The following PRKN variants were observed in gnomAD, a reference collection of about 807,000 sequenced individuals.
PRKN encodes E3 ubiquitin-protein ligase parkin.
A neutral mutation model predicts 59.5 loss-of-function variants in PRKN; 56 were observed. That is an observed-to-expected ratio of 0.94 (90% confidence interval 0.76 to 1.18). PRKN has a LOEUF of 1.18. PRKN is among the 50% of genes most tolerant of loss of function. The pLI, the probability that PRKN is intolerant of heterozygous loss-of-function variation, is 0.00. For synonymous variants in PRKN, 250 were observed against 222.1 expected, an observed-to-expected ratio of 1.13 and a Z score of -1.12; for missense variants, 657 against 596.4, an observed-to-expected ratio of 1.10 and a Z score of -1.06.
At chr6:161,406,360 C>A (rs1787277935) in intron 9 of PRKN, among the ~76,000 whole-genome samples, 1 of 152,030 alleles carries the variant, frequency 6.6e-6, no homozygotes, top group Non-Finnish European at 1.5e-5. Flanking sequence ...ACTATGGGCA[C>A]ATTTTAGCTA....
intron 1 of PRKN, among the ~76,000 whole-genome samples, chr6:162,620,555 GTT>G (rs1488562060): frequency 2.6e-5 from 4 of 152,190 alleles, no homozygotes; most frequent in Admixed American, 2.0e-4. Context: ...ATAAGAAAGA[GTT>G]TTGAAAGTTT....
intron 1 of PRKN, among the ~76,000 whole-genome samples, chr6:162,607,720 T>A (rs995853914): frequency 1.3e-5 from 2 of 152,144 alleles, no homozygotes; most frequent in Admixed American, 6.5e-5. Flanking sequence ...TGCCTTAGGA[T>A]GCAAGGAAGC....
chr6:161,419,925 A>C lies in PRKN; in HGVS notation c.1084-33048T>G, dbSNP rs1447966106. 6.6e-6 allele frequency among the ~76,000 whole-genome samples: 1 copy of C among 152,082 alleles called. No individual in the cohort carries two copies. Among genetic ancestry groups the C allele is most frequent in the African/African-American group, 2.4e-5 (1 of 41,416 alleles). On this transcript the variant is annotated intron_variant, in intron 9 of 11. Transcript: ENST00000366898. The surrounding 1 kb of genome is among the most constrained non-coding windows in gnomAD (Gnocchi z 4.1). ...GAAAGTTCCTAGCACTGCGCCTGGCACGTAAAAGGCACTTGTTTAAGAACT... is the reference window on the plus strand; with the variant it reads ...GAAAGTTCCTAGCACTGCGCCTGGCCCGTAAAAGGCACTTGTTTAAGAACT...
chr6:161,915,214 AG>A (rs1185228275), intron 6 of PRKN, among the ~76,000 whole-genome samples: 2 of 152,128 alleles, frequency 1.3e-5, no homozygotes, highest in African/African-American at 4.8e-5. Context: ...TGAACCCAGG[AG>A]GTGGAGGTTG....
intron 7 of PRKN, among the ~76,000 whole-genome samples, chr6:161,617,590 T>C (rs951222623): frequency 2.6e-5 from 4 of 152,248 alleles, no homozygotes; most frequent in African/African-American, 4.8e-5. Flanking sequence ...TTGCACACTG[T>C]GTGATTACCA....
intron 1 of PRKN, among the ~76,000 whole-genome samples, chr6:162,717,299 G>A (rs1285829192): frequency 6.6e-6 from 1 of 152,078 alleles, no homozygotes; most frequent in African/African-American, 2.4e-5. Context: ...CTTTGGGGCT[G>A]GGCACAGTGG....
At chr6:161,840,066 A>G (rs1792921379) in intron 6 of PRKN, among the ~76,000 whole-genome samples, 1 of 152,258 alleles carries the variant, frequency 6.6e-6, no homozygotes, top group African/African-American at 2.4e-5. Flanking sequence ...CATGGACAGC[A>G]TCTCTCTTCT....
chr6:162,257,128 T>A (rs752682323), intron 3 of PRKN, among the ~76,000 whole-genome samples: 4 of 152,136 alleles, frequency 2.6e-5, no homozygotes, highest in Non-Finnish European at 5.9e-5. Context: ...CTGACACTCC[T>A]TCCCGCTCTA....
intron 3 of PRKN, among the ~76,000 whole-genome samples, chr6:162,219,045 C>A (rs1157673155): frequency 6.6e-6 from 1 of 152,026 alleles, no homozygotes; most frequent in Non-Finnish European, 1.5e-5. Flanking sequence ...AATAAATTAG[C>A]TGGTCATGGT....
intron 1 of PRKN, among the ~76,000 whole-genome samples, chr6:162,709,810 GAA>G (rs1367974136): frequency 6.9e-6 from 1 of 144,022 alleles, no homozygotes; most frequent in East Asian, 2.1e-4. Flanking sequence ...GAGAAGGAAG[GAA>G]AAGTGTCCAG....
In PRKN at chr6:161,752,164, G is replaced by A. The variant is rs570040278; in HGVS notation, c.871+33608C>T. On this transcript the variant is annotated intron_variant, in intron 7 of 11. Transcript: ENST00000366898. ...AGGTGGGTGGATCACGAGGTCAAGA[G>A]ATCGAGACCATCCTGGCCAACGTGG... Among the ~76,000 whole-genome samples the A allele has an allele frequency of 2.6e-5, 4 of 151,780 alleles. No homozygotes were observed. The East Asian group carries it at 7.9e-4, about 30-fold the overall frequency.
chr6:162,392,713 T>C lies in PRKN; in HGVS notation c.171+50597A>G, dbSNP rs114137116. 6.6e-3 allele frequency among the ~76,000 whole-genome samples: 1,008 copies of C among 152,338 alleles called. 8 individuals are homozygous for C. The highest frequency in any genetic ancestry group is 0.014 in the Middle Eastern group (4 of 294). On this transcript the variant is annotated intron_variant, in intron 2 of 11. Coordinates refer to ENST00000366898, the MANE Select transcript of PRKN (RefSeq NM_004562.3). ...TTTAGTTTGGCCTAATACCTAATGT[T>C]ACATTGATGCCATACTGTAAGCTCC...
At position 162,727,736 on chromosome 6, in the gene PRKN, T is replaced by A. The variant is rs777729617; in HGVS notation, c.-68A>T. The A allele has an allele frequency of 6.6e-7, 1 of 1,507,392 alleles. No individual in the cohort carries two copies. Among genetic ancestry groups the A allele is most frequent in the Non-Finnish European group, 9.0e-7 (1 of 1,108,734 alleles). 93.4% of individuals were successfully genotyped at this position (1,507,392 alleles called of 1,614,324 possible). On this transcript the variant is annotated 5_prime_UTR_variant, in exon 1 of 12. Coordinates refer to ENST00000366898, the MANE Select transcript of PRKN (RefSeq NM_004562.3). ...TGCGCGCAGCGGCGCCAGCCGCGCC[T>A]CCCACCAGCGGCTCTCCTGGGTTAA...
intron 4 of PRKN, among the ~76,000 whole-genome samples, chr6:162,176,621 T>C (rs114505291): frequency 0.014 from 2,140 of 151,988 alleles, 51 homozygotes; most frequent in African/African-American, 0.049. Context: ...AAATAGCAGA[T>C]ACATCTGACA....
chr6:161,541,700 A>C (rs1779620996), intron 9 of PRKN, among the ~76,000 whole-genome samples: 1 of 152,136 alleles, frequency 6.6e-6, no homozygotes, highest in Non-Finnish European at 1.5e-5. Flanking sequence ...ACGTGCCTGT[A>C]ATCCCAGCTA....
At chr6:162,243,582 G>C (rs1211544560) in intron 3 of PRKN, among the ~76,000 whole-genome samples, 4 of 152,080 alleles carry the variant, frequency 2.6e-5, no homozygotes, top group Non-Finnish European at 5.9e-5. Context: ...CTAGTACATA[G>C]TACTCAGTTT....
intron 1 of PRKN, among the ~76,000 whole-genome samples, chr6:162,678,657 T>C (rs2803087): frequency 0.63 from 95,355 of 152,144 alleles, 30,641 homozygotes; most frequent in African/African-American, 0.75. Flanking sequence ...TTAGTATTTA[T>C]TGAGTTTTGA....
intron 6 of PRKN, among the ~76,000 whole-genome samples, chr6:161,812,349 A>G (rs1021701538): frequency 5.9e-5 from 9 of 152,182 alleles, no homozygotes; most frequent in Non-Finnish European, 1.2e-4. Context: ...AGATTACGGC[A>G]CTGTACTCCA....
intron 2 of PRKN, among the ~76,000 whole-genome samples, chr6:162,291,838 G>A (rs1781442635): frequency 1.3e-5 from 2 of 152,096 alleles, no homozygotes; most frequent in African/African-American, 4.8e-5. Context: ...GTCAGGAAAT[G>A]AAGCGTTGAA....
Sources: allele counts gnomAD v4.1 joint callset (sites outside exome capture counted in the v4.1 genomes callset), GRCh38; gene constraint gnomAD v4.1.1; non-coding constraint Gnocchi (gnomAD v3.1); transcripts MANE v1.5; gene names NCBI Gene and HGNC (gene_info 2026-07-23, HGNC 2026-07-21).